The following CDH12 variants were observed in gnomAD, a reference collection of about 807,000 sequenced individuals.
CDH12 encodes cadherin-12.
In CDH12, 41 loss-of-function variants were observed where a neutral mutation model predicts 74.1. The observed-to-expected ratio is 0.55, with a 90% confidence interval of 0.43 to 0.72. The LOEUF (loss-of-function observed/expected upper bound fraction) is 0.72, where lower values mean the gene tolerates loss of function less well. Among genes scored for constraint, CDH12 ranks in the 30% least tolerant of loss-of-function variants. The pLI, the probability that CDH12 is intolerant of heterozygous loss-of-function variation, is 0.00. For missense variants in CDH12, 945 were observed against 977.2 expected (o/e 0.97, Z 0.44); for synonymous variants, 399 against 355.0 (o/e 1.12, Z -1.39).
chr5:21,945,251 C>T (rs1349345704), intron 6 of CDH12, among the ~76,000 whole-genome samples: 2 of 151,380 alleles, frequency 1.3e-5, no homozygotes, highest in Non-Finnish European at 2.9e-5. Context: ...ATGGCGAAAC[C>T]CCGCCTCTAC....
At chr5:22,335,761 T>G (rs995440593) in intron 3 of CDH12, among the ~76,000 whole-genome samples, 7 of 152,092 alleles carry the variant, frequency 4.6e-5, no homozygotes, top group African/African-American at 1.7e-4. Flanking sequence ...CTTTGTAAAT[T>G]GTCCAGTCTT....
chr5:22,784,092 A>G (rs1489243146), intron 1 of CDH12, among the ~76,000 whole-genome samples: 1 of 152,110 alleles, frequency 6.6e-6, no homozygotes. Context: ...TTGTATTTAT[A>G]TGTATTAATC....
intron 6 of CDH12, among the ~76,000 whole-genome samples, chr5:21,933,076 T>G (rs1027687934): frequency 1.3e-5 from 2 of 151,860 alleles, no homozygotes; most frequent in African/African-American, 4.8e-5. Flanking sequence ...AAGTACATTA[T>G]CTCATACATA....
At position 22,300,473 on chromosome 5, in the gene CDH12, T is replaced by C. The variant is rs150622874; in HGVS notation, c.-332-87830A>G. Among the ~76,000 whole-genome samples, 7 of 152,350 alleles carry C rather than the reference T, an allele frequency of 4.6e-5. No individual in the cohort carries two copies. In the East Asian group the frequency reaches 1.3e-3, roughly 29 times the overall value. On this transcript the variant is annotated intron_variant, in intron 3 of 14. Coordinates refer to ENST00000382254, the MANE Select transcript of CDH12 (RefSeq NM_004061.5). ...CCTTACAAAGGTCAAAATCTTGAACTATTCTGAGAATTCCCTACCAGGTTA... is the reference window on the plus strand; with the variant it reads ...CCTTACAAAGGTCAAAATCTTGAACCATTCTGAGAATTCCCTACCAGGTTA...
At chr5:21,945,390 C>A (rs1045078221) in intron 6 of CDH12, among the ~76,000 whole-genome samples, 4 of 131,972 alleles carry the variant, frequency 3.0e-5, no homozygotes, top group African/African-American at 1.1e-4. Context: ...CATACCGCTG[C>A]ACTCCAGCCT....
chr5:22,715,366 C>T (rs1475084124), intron 1 of CDH12, among the ~76,000 whole-genome samples: 2 of 152,144 alleles, frequency 1.3e-5, no homozygotes, highest in Non-Finnish European at 2.9e-5. Context: ...CAGCATCTGC[C>T]TCTTTAATAA....
intron 6 of CDH12, among the ~76,000 whole-genome samples, chr5:21,861,475 A>G (rs1490465239): frequency 6.6e-6 from 1 of 152,060 alleles, no homozygotes; most frequent in Non-Finnish European, 1.5e-5. Context: ...TGTAATGACG[A>G]TTTGATTTAC....
At chr5:21,946,821 G>A (rs1161314892) in intron 6 of CDH12, among the ~76,000 whole-genome samples, 2 of 152,180 alleles carry the variant, frequency 1.3e-5, no homozygotes, top group East Asian at 3.9e-4. Flanking sequence ...ATAAAAAAGT[G>A]TAGCACATAA....
At chr5:21,833,017 G>GATATAATAT (rs1554035431) in intron 8 of CDH12, among the ~76,000 whole-genome samples, 3 of 29,882 alleles carry the variant, frequency 1.0e-4, no homozygotes, top group African/African-American at 9.2e-4. Context: ...TATAATATAT[G>GATATAATAT]ATATAATATA....
At chr5:22,593,540 T>C (rs1487834154) in intron 1 of CDH12, among the ~76,000 whole-genome samples, 2 of 152,196 alleles carry the variant, frequency 1.3e-5, no homozygotes, top group Admixed American at 1.3e-4. Flanking sequence ...ATTTTCCTAG[T>C]ACAGGTCCTC....
intron 5 of CDH12, among the ~76,000 whole-genome samples, chr5:22,015,412 G>T (rs1186065381): frequency 6.6e-6 from 1 of 152,102 alleles, no homozygotes; most frequent in Non-Finnish European, 1.5e-5. Flanking sequence ...AATGTAGCAT[G>T]AGGGAAATGT....
At chr5:22,748,406 A>G (rs532581869) in intron 1 of CDH12, among the ~76,000 whole-genome samples, 1 of 152,256 alleles carries the variant, frequency 6.6e-6, no homozygotes, top group East Asian at 1.9e-4. Flanking sequence ...TGAAGACTCA[A>G]GTAAAATATT....
In CDH12 at chr5:22,801,664, TATATATATATATATATATATAC is replaced by T. The variant is rs1444053763; in HGVS notation, c.-523+51372_-523+51393del. 2.2e-3 allele frequency among the ~76,000 whole-genome samples: 271 copies of T among 121,064 alleles called. 4 individuals carry two copies. Among genetic ancestry groups the T allele is most frequent in the African/African-American group, 9.9e-3 (251 of 25,346 alleles). The allele number at this position is 121,064 out of a possible 152,430, so 79.4% of individuals were successfully genotyped here. Reference sequence around the variant, plus strand: ...ATATATATATATATATATATATATATATATATATATATATATATATACACTTTGTTTAATAGGGAGAACACAT... The same window carrying T: ...ATATATATATATATATATATATATATACTTTGTTTAATAGGGAGAACACAT... On this transcript the variant is annotated intron_variant, in intron 1 of 14. Coordinates refer to ENST00000382254, the MANE Select transcript of CDH12 (RefSeq NM_004061.5).
chr5:22,436,287 G>A (rs1396823287), intron 2 of CDH12, among the ~76,000 whole-genome samples: 27 of 17,862 alleles, frequency 1.5e-3, no homozygotes, highest in Non-Finnish European at 3.7e-3. Flanking sequence ...GGGGAGGGGG[G>A]AGGGGGGAGG....
chr5:22,144,567 G>A (rs976629919), intron 4 of CDH12, among the ~76,000 whole-genome samples: 2 of 152,054 alleles, frequency 1.3e-5, no homozygotes, highest in Non-Finnish European at 2.9e-5. Flanking sequence ...AGAAAATTGG[G>A]ATAAAAATGT....
At chr5:22,122,331 A>G (rs914361787) in intron 4 of CDH12, among the ~76,000 whole-genome samples, 1 of 152,158 alleles carries the variant, frequency 6.6e-6, no homozygotes, top group African/African-American at 2.4e-5. Context: ...TGAACCCAGG[A>G]GGCAGAGGTT....
chr5:22,437,542 A>G (rs1744447405), intron 2 of CDH12, among the ~76,000 whole-genome samples: 1 of 132,226 alleles, frequency 7.6e-6, no homozygotes, highest in South Asian at 2.3e-4. Context: ...CAAGTCAGCA[A>G]TTTAAAAATA....
chr5:22,257,574 A>G (rs1483557441), intron 3 of CDH12, among the ~76,000 whole-genome samples: 1 of 151,718 alleles, frequency 6.6e-6, no homozygotes, highest in Non-Finnish European at 1.5e-5. Flanking sequence ...ATCTCGGTTT[A>G]CTGCAACCTC....
chr5:22,067,481 G>A (rs1432771247), intron 5 of CDH12, among the ~76,000 whole-genome samples: 7 of 152,288 alleles, frequency 4.6e-5, no homozygotes, highest in South Asian at 2.1e-4. Flanking sequence ...TTGACTGAGT[G>A]ATGTGAAATG....
Sources: allele counts gnomAD v4.1 joint callset (sites outside exome capture counted in the v4.1 genomes callset), GRCh38; gene constraint gnomAD v4.1.1; transcripts MANE v1.5; gene names NCBI Gene and HGNC (gene_info 2026-07-23, HGNC 2026-07-21).